KIF26B: variants seen among roughly 807,000 people sequenced by gnomAD.
KIF26B encodes kinesin family member 26B.
Under a neutral mutation model 151.2 loss-of-function variants are expected in KIF26B, and 63 were observed. That is an observed-to-expected ratio of 0.42 (90% CI 0.34 to 0.51). The LOEUF is 0.51. KIF26B is among the 20% of genes least tolerant of loss of function. KIF26B has a pLI of 0.07. For missense variants in KIF26B, 2,813 were observed against 2,913.6 expected, an observed-to-expected ratio of 0.97 and a Z score of 0.79; for synonymous variants, 1,357 against 1,262.1, an observed-to-expected ratio of 1.08 and a Z score of -1.59.
chr1:245,379,552 C>CTTTTTTTATGCTTATGGTATA, intron 3 of KIF26B, among the ~76,000 whole-genome samples: 1 of 151,546 alleles, frequency 6.6e-6, no homozygotes, highest in Admixed American at 6.6e-5. Context: ...TCTTGGTTTC[C>CTTTTTTTATGCTTATGGTATA]TTATCTATAT....
intron 12 of KIF26B, among the ~76,000 whole-genome samples, chr1:245,694,998 A>G (rs1267550022): frequency 2.0e-5 from 3 of 152,088 alleles, no homozygotes; most frequent in Non-Finnish European, 2.9e-5. Flanking sequence ...GCGGCGTCCA[A>G]TGGGGCACCA....
intron 8 of KIF26B, among the ~76,000 whole-genome samples, chr1:245,610,627 A>C (rs55708649): frequency 0.016 from 2,487 of 152,294 alleles, 62 homozygotes; most frequent in African/African-American, 0.057. Flanking sequence ...CTAGACATTC[A>C]AATATGCTTT....
intron 2 of KIF26B, among the ~76,000 whole-genome samples, chr1:245,346,634 G>A (rs1173685816): frequency 1.3e-5 from 2 of 152,008 alleles, no homozygotes; most frequent in Non-Finnish European, 2.9e-5. Flanking sequence ...CCTCTTCTCC[G>A]ATGACCTTGT....
At chr1:245,383,695 G>A (rs1188809245) in intron 3 of KIF26B, among the ~76,000 whole-genome samples, 1 of 152,202 alleles carries the variant, frequency 6.6e-6, no homozygotes, top group East Asian at 1.9e-4. Flanking sequence ...TAGGAGGTAG[G>A]AGAAGGATTG....
In KIF26B at chr1:245,540,879, T is replaced by C. The variant is rs1183441525; in HGVS notation, c.1279T>C (p.Ser427Pro). 2 of 1,613,592 alleles carry C rather than the reference T, an allele frequency of 1.2e-6. No individual in the cohort carries two copies. Among genetic ancestry groups the C allele is most frequent in the Non-Finnish European group, 1.7e-6 (2 of 1,179,784 alleles). Residue 427 changes from serine to proline, a missense_variant, in exon 5 of 15, where the codon TCC (serine) becomes CCC (proline). Transcript: ENST00000407071. This position sits in a 1 kb window ranked among gnomAD's most constrained non-coding sequence, Gnocchi z 4.6. ...CAGCTTCAGTGGGATTCTGCAGACC[T>C]CCCCTCCCCCAGCCCCACCCTGCCT... ...ATSFSGILQTSPPPAPPCLLR... is the reference protein window; with the variant it reads ...ATSFSGILQTPPPPAPPCLLR...
At chr1:245,347,856 G>T (rs1257477720) in intron 2 of KIF26B, among the ~76,000 whole-genome samples, 1 of 152,208 alleles carries the variant, frequency 6.6e-6, no homozygotes, top group African/African-American at 2.4e-5. Flanking sequence ...ACAAATATTT[G>T]TTGACTGGCA....
chr1:245,703,044 T>TTGTTTGGATAAACA lies in KIF26B; in HGVS notation c.*439_*440insGTTTGGATAAACAT, dbSNP rs1444028908. On this transcript the variant is annotated 3_prime_UTR_variant, in exon 15 of 15. Transcript: ENST00000407071. ...CAAATCTTTATTATTATCCAAACAT[T>TTGTTTGGATAAACA]TATGTTCATACTTTCTTGTGTACAG... The TTGTTTGGATAAACA allele has an allele frequency of 1.2e-5, 2 of 160,320 alleles. No individual in the cohort carries two copies. Among genetic ancestry groups the TTGTTTGGATAAACA allele is most frequent in the African/African-American group, 2.4e-5 (1 of 41,750 alleles). 9.9% of individuals were successfully genotyped at this position (160,320 alleles called of 1,614,324 possible).
chr1:245,634,861 C>A (rs1339679629), intron 9 of KIF26B, among the ~76,000 whole-genome samples: 1 of 151,970 alleles, frequency 6.6e-6, no homozygotes, highest in Non-Finnish European at 1.5e-5. Context: ...TTACAGTGTG[C>A]ACCACTGTGC....
rs955169132 is a variant in KIF26B at position 245,527,628 on chromosome 1, G to T, written c.1167-13139G>T. On this transcript the variant is annotated intron_variant, in intron 4 of 14. Coordinates refer to ENST00000407071, the MANE Select transcript of KIF26B (RefSeq NM_018012.4). Reference sequence around the variant, plus strand: ...GGCTCACTGCAAGCTCCACCTCCCGGGTTCATGCCATTCTCCTGCCTCAGC... The same window carrying T: ...GGCTCACTGCAAGCTCCACCTCCCGTGTTCATGCCATTCTCCTGCCTCAGC... Among the ~76,000 whole-genome samples the T allele has an allele frequency of 6.6e-5, 9 of 136,202 alleles. No individual in the cohort carries two copies. In the Admixed American group the frequency reaches 7.3e-4, roughly 11 times the overall value. 89.4% of individuals were successfully genotyped at this position (136,202 alleles called of 152,430 possible). A position where few individuals can be genotyped will look rare whatever the true frequency, so the allele number is the denominator to read the frequency against.
At chr1:245,296,780 T>G (rs572855827) in intron 2 of KIF26B, among the ~76,000 whole-genome samples, 4 of 152,240 alleles carry the variant, frequency 2.6e-5, no homozygotes, top group Non-Finnish European at 5.9e-5. Flanking sequence ...CCTAGGGAGC[T>G]CAGTCAACAT....
intron 5 of KIF26B, among the ~76,000 whole-genome samples, chr1:245,600,041 G>A (rs2043375532): frequency 6.6e-6 from 1 of 150,932 alleles, no homozygotes. Context: ...ACCTTATCAT[G>A]TTTTGTTTTG....
chr1:245,558,153 G>T (rs1026368522), intron 5 of KIF26B, among the ~76,000 whole-genome samples: 2 of 152,130 alleles, frequency 1.3e-5, no homozygotes, highest in Non-Finnish European at 2.9e-5. Context: ...GCTTGGAGAA[G>T]CCCACGGCCA....
chr1:245,701,274 A>G (rs1286819625), intron 14 of KIF26B, among the ~76,000 whole-genome samples: 1 of 152,218 alleles, frequency 6.6e-6, no homozygotes, highest in Non-Finnish European at 1.5e-5. Flanking sequence ...CCTGCTGACT[A>G]TTCCCTGTGG....
intron 5 of KIF26B, among the ~76,000 whole-genome samples, chr1:245,555,969 C>G (rs1053489981): frequency 1.3e-5 from 2 of 151,686 alleles, no homozygotes; most frequent in Non-Finnish European, 2.9e-5. Flanking sequence ...CCAGGGAGTG[C>G]AGTAGGGAGA....
At chr1:245,415,026 C>G (rs542281723) in intron 3 of KIF26B, among the ~76,000 whole-genome samples, 2 of 152,182 alleles carry the variant, frequency 1.3e-5, no homozygotes, top group African/African-American at 4.8e-5. Context: ...CTCCTCTCCT[C>G]GCCTCTGTTT....
intron 10 of KIF26B, among the ~76,000 whole-genome samples, chr1:245,678,297 C>T (rs559342241): frequency 1.3e-5 from 2 of 152,044 alleles, no homozygotes; most frequent in East Asian, 1.9e-4. Context: ...GAGATCAGAG[C>T]TCTTGGAGCT....
intron 4 of KIF26B, among the ~76,000 whole-genome samples, chr1:245,484,226 C>T (rs1307670049): frequency 6.6e-6 from 1 of 151,870 alleles, no homozygotes; most frequent in African/African-American, 2.4e-5. Flanking sequence ...TACACTTTAA[C>T]TCACTTTGGG....
rs968122348 is a variant in KIF26B at position 245,245,513 on chromosome 1, G to A, written c.465+88830G>A. 5.3e-5 allele frequency among the ~76,000 whole-genome samples: 8 copies of A among 152,248 alleles called. No individual in the cohort carries two copies. In the South Asian group the frequency reaches 6.2e-4, roughly 12 times the overall value. On this transcript the variant is annotated intron_variant, in intron 2 of 14. Transcript: ENST00000407071. ...CCTTTCAAAGGTTTGCAGAGCGGCC[G>A]GGCGCAGTGGCTCACGCCTCTAATC...
In KIF26B at chr1:245,241,780, G is replaced by A. The variant is rs779275602; in HGVS notation, c.465+85097G>A. Among the ~76,000 whole-genome samples the A allele has an allele frequency of 3.7e-4, 56 of 152,304 alleles. No individual in the cohort carries two copies. The highest frequency in any genetic ancestry group is 7.2e-4 in the Non-Finnish European group (49 of 68,030). On this transcript the variant is annotated intron_variant, in intron 2 of 14. Transcript: ENST00000407071. The surrounding 1 kb of genome is among the most constrained non-coding windows in gnomAD (Gnocchi z 5.0). ...TTCACAGCGGCAGCGGGAGCACTGGGTGCAGCCTCTGGAAGGTCTGGAAGG... is the reference window on the plus strand; with the variant it reads ...TTCACAGCGGCAGCGGGAGCACTGGATGCAGCCTCTGGAAGGTCTGGAAGG...
Sources: gnomAD v4.1 joint callset for allele counts (sites outside exome capture counted in the v4.1 genomes callset) on GRCh38, gnomAD v4.1.1 for gene constraint, Gnocchi (gnomAD v3.1) non-coding constraint, MANE v1.5 for transcripts, NCBI Gene and HGNC (gene_info 2026-07-23, HGNC 2026-07-21) for gene names.